The following TFAM variants were observed in gnomAD, a reference collection of about 807,000 sequenced individuals.
The protein encoded by TFAM is transcription factor A, mitochondrial.
Under a neutral mutation model 30.6 loss-of-function variants are expected in TFAM, and 13 were observed. That is an observed-to-expected ratio of 0.42 (90% CI 0.28 to 0.67). The LOEUF (loss-of-function observed/expected upper bound fraction) is 0.67. Among genes scored for constraint, TFAM ranks in the 30% least tolerant of loss-of-function variants. TFAM has a pLI of 0.21. For missense variants in TFAM, 231 were observed against 293.7 expected (o/e 0.79, Z 1.56); for synonymous variants, 106 against 94.8 (o/e 1.12, Z -0.69).
intron 6 of TFAM, 192 bp downstream of exon 6, chr10:58,394,606 TA>T: frequency 2.8e-6 from 2 of 726,162 alleles, no homozygotes; most frequent in Non-Finnish European, 5.0e-6. Context: ...ATAAAATTGG[TA>T]TTTGAAACCA....
intron 5 of TFAM, among the ~76,000 whole-genome samples, chr10:58,391,751 A>C (rs1485491801): frequency 6.6e-6 from 1 of 151,608 alleles, no homozygotes; most frequent in Non-Finnish European, 1.5e-5. Flanking sequence ...TGCAAAAGTA[A>C]TTGTGGTCTT....
In TFAM at chr10:58,395,147, C is replaced by T. The variant is rs553061539; in HGVS notation, c.*73C>T. On this transcript the variant is annotated 3_prime_UTR_variant, in exon 7 of 7. Coordinates refer to ENST00000487519, the MANE Select transcript of TFAM (RefSeq NM_003201.3). ...GTTAGGTCTCAATACCTGAAGCTAT[C>T]GTAAAATTAAGAAAGGATAAAGTTG... is the stretch of plus-strand genomic sequence containing the variant. 4.5e-4 allele frequency: 663 copies of T among 1,468,820 alleles called. 2 individuals are homozygous for T. Among genetic ancestry groups the T allele is most frequent in the African/African-American group, 1.3e-3 (93 of 71,516 alleles). The allele number at this position is 1,468,820 out of a possible 1,614,324, so 91.0% of individuals were successfully genotyped here.
chr10:58,386,427 G>C (rs534755051), intron 2 of TFAM, 89 bp downstream of exon 2: 23 of 956,226 alleles, frequency 2.4e-5, no homozygotes, highest in Middle Eastern at 5.5e-4. Context: ...CAGTGCTAAA[G>C]CATTCAGTGA....
In TFAM at chr10:58,394,991, G is replaced by A; in HGVS notation, c.658G>A (p.Glu220Lys). Reference protein sequence around the residue: ...RYHNEMKSWEEQMIEVGRKDL... With the variant: ...RYHNEMKSWEKQMIEVGRKDL... ...TCATAATGAAATGAAGTCTTGGGAA[G>A]AACAAATGATTGAAGTTGGACGAAA... The change falls in exon 7 of 7, where the codon GAA (glutamate) becomes AAA (lysine). Residue 220 changes from glutamate to lysine, a missense_variant. Glu to Lys is a moderately conservative substitution (Grantham distance 56). Coordinates refer to ENST00000487519, the MANE Select transcript of TFAM (RefSeq NM_003201.3). 6.2e-7 allele frequency: 1 copy of A among 1,613,744 alleles called. No homozygotes were observed. Among genetic ancestry groups the A allele is most frequent in the South Asian group, 1.1e-5 (1 of 91,054 alleles).
intron 5 of TFAM, among the ~76,000 whole-genome samples, chr10:58,393,178 A>G (rs968128455): frequency 1.1e-4 from 16 of 150,810 alleles, no homozygotes; most frequent in East Asian, 3.9e-4. Flanking sequence ...ATGGGGTTTC[A>G]CCATATTGGC....
rs1840465084 is a variant in TFAM, at chr10:58,385,479, G to A, written c.-69G>A. On this transcript the variant is annotated 5_prime_UTR_variant, in exon 1 of 7. Transcript: ENST00000487519. ...TCGCACGCGGGTTCCAGTTGTGATTGCTGGAGTTGTGTATTGCCAGGAGGC... is the reference window on the plus strand; with the variant it reads ...TCGCACGCGGGTTCCAGTTGTGATTACTGGAGTTGTGTATTGCCAGGAGGC... 8.2e-7 allele frequency: 1 copy of A among 1,212,408 alleles called. No homozygotes were observed. The highest frequency in any genetic ancestry group is 1.2e-6 in the Non-Finnish European group (1 of 838,564). 75.1% of individuals were successfully genotyped at this position (1,212,408 alleles called of 1,614,324 possible). A position where few individuals can be genotyped will look rare whatever the true frequency, so the allele number is the denominator to read the frequency against.
chr10:58,390,730 A>G, intron 4 of TFAM, 35 bp from the exon 5 acceptor site: 1 of 1,520,186 alleles, frequency 6.6e-7, no homozygotes, highest in Non-Finnish European at 9.1e-7. Context: ...ATGGAGGTTA[A>G]CACTATTTTT....
In TFAM at chr10:58,395,285, G is replaced by A. The variant is rs1840662160; in HGVS notation, c.*211G>A. Reference sequence around the variant, plus strand: ...CATGCAAACTTTATTTTGTGTTTAGGAACTACTGAGGATCAGAGTAATCCA... The same window carrying A: ...CATGCAAACTTTATTTTGTGTTTAGAAACTACTGAGGATCAGAGTAATCCA... On this transcript the variant is annotated 3_prime_UTR_variant, in exon 7 of 7. Coordinates refer to ENST00000487519, the MANE Select transcript of TFAM (RefSeq NM_003201.3). 20 of 552,926 alleles carry A rather than the reference G, an allele frequency of 3.6e-5. No individual in the cohort carries two copies. The South Asian group carries it at 3.9e-4, about 11-fold the overall frequency. The allele number at this position is 552,926 out of a possible 1,614,324, so 34.3% of individuals were successfully genotyped here. A position where few individuals can be genotyped will look rare whatever the true frequency, so the allele number is the denominator to read the frequency against.
chr10:58,390,836 A>G lies in TFAM; in HGVS notation c.513A>G (p.Gln171=), dbSNP rs763840004. Residue 171 remains glutamine, a synonymous_variant, in exon 5 of 7, where the codon CAA becomes CAG. Coordinates refer to ENST00000487519, the MANE Select transcript of TFAM (RefSeq NM_003201.3). ...AYNVYVAERF[Q]EAKGDSPQEK... is the part of the protein sequence containing the mutation. The stretch of plus-strand genomic sequence containing the variant: ...ACGTTTATGTAGCTGAAAGATTCCA[A>G]GAAGCTAAGGGTGATTCACCGCAGG... 6.2e-7 allele frequency: 1 copy of G among 1,613,300 alleles called. No individual in the cohort carries two copies. Among genetic ancestry groups the G allele is most frequent in the South Asian group, 1.1e-5 (1 of 91,064 alleles).
At chr10:58,392,883 C>T (rs1487237787) in intron 5 of TFAM, among the ~76,000 whole-genome samples, 2 of 151,982 alleles carry the variant, frequency 1.3e-5, no homozygotes, top group African/African-American at 2.4e-5. Context: ...ATCATATTAC[C>T]CCAGGCTGGT....
At position 58,393,465 on chromosome 10, in the gene TFAM, C is replaced by G. The variant is rs1391991714; in HGVS notation, c.538-893C>G. Among the ~76,000 whole-genome samples the G allele has an allele frequency of 2.6e-5, 4 of 152,318 alleles. No individual in the cohort carries two copies. In the South Asian group the frequency reaches 8.3e-4, roughly 32 times the overall value. On this transcript the variant is annotated intron_variant, in intron 5 of 6. Coordinates refer to ENST00000487519, the MANE Select transcript of TFAM (RefSeq NM_003201.3). Reference sequence around the variant, plus strand: ...TTTCTTTTGTCAGTTAAGTCAGTTACCACTAATGCATCTGCTTTTCAGCTT... The same window carrying G: ...TTTCTTTTGTCAGTTAAGTCAGTTAGCACTAATGCATCTGCTTTTCAGCTT...
intron 5 of TFAM, 127 bp from the exon 6 acceptor site, chr10:58,394,231 A>G (rs1840642454): frequency 8.1e-6 from 6 of 741,884 alleles, no homozygotes; most frequent in South Asian, 6.0e-5. Context: ...GTTTAGAGAG[A>G]AAAGATGTTA....
intron 5 of TFAM, among the ~76,000 whole-genome samples, chr10:58,393,192 G>A (rs909571524): frequency 2.6e-5 from 4 of 151,856 alleles, no homozygotes; most frequent in African/African-American, 9.7e-5. Context: ...TATTGGCCAG[G>A]CTGGTCTCGA....
chr10:58,391,002 C>CT (rs1459866884), intron 5 of TFAM, 142 bp downstream of exon 5: 21 of 760,004 alleles, frequency 2.8e-5, no homozygotes, highest in Non-Finnish European at 3.6e-5. Flanking sequence ...AAAGAAAAAT[C>CT]TTTTTTCTTA....
chr10:58,397,170 A>G lies in TFAM; in HGVS notation c.*2096A>G, dbSNP rs1840696969. ...GACTCAATTCTGTTCTCTTCAGATG[A>G]GCTCAGAGAGCACATAGGAGTGTTT... On this transcript the variant is annotated 3_prime_UTR_variant, in exon 7 of 7. Coordinates refer to ENST00000487519, the MANE Select transcript of TFAM (RefSeq NM_003201.3). 1 of 152,156 alleles carries G rather than the reference A, an allele frequency of 6.6e-6. No individual in the cohort carries two copies. The highest frequency in any genetic ancestry group is 1.5e-5 in the Non-Finnish European group (1 of 68,056). The allele number at this position is 152,156 out of a possible 1,614,324, so 9.4% of individuals were successfully genotyped here. A position where few individuals can be genotyped will look rare whatever the true frequency, so the allele number is the denominator to read the frequency against.
Position 58,385,656 on chromosome 10 carries a change from C to G in TFAM, c.101+8C>G, listed in dbSNP as rs1840471967. 63 of 1,550,688 alleles carry G rather than the reference C, an allele frequency of 4.1e-5. No homozygotes were observed. Among genetic ancestry groups the G allele is most frequent in the Non-Finnish European group, 5.4e-5 (62 of 1,145,972 alleles). ...ACTGCGCTCCCCCTTCAGGTAGGCC[C>G]GCTTGCCTGTGCCCTAGGGGCAGCA... On this transcript the variant is annotated splice_region_variant and intron_variant, in intron 1 of 6. Coordinates refer to ENST00000487519, the MANE Select transcript of TFAM (RefSeq NM_003201.3).
chr10:58,391,420 A>G (rs548847297), intron 5 of TFAM, among the ~76,000 whole-genome samples: 106 of 152,252 alleles, frequency 7.0e-4, no homozygotes, highest in African/African-American at 2.4e-3. Context: ...ATCATATGAC[A>G]TAGTAAGAGA....
At chr10:58,390,671 C>A in intron 4 of TFAM, 94 bp from the exon 5 acceptor site, 1 of 918,246 alleles carries the variant, frequency 1.1e-6, no homozygotes, top group Non-Finnish European at 1.8e-6. Flanking sequence ...AAGGAATAAT[C>A]TGTAATGCGT....
Position 58,390,877 on chromosome 10 carries a change from T to C in TFAM, c.537+17T>C. The C allele has an allele frequency of 1.9e-6, 3 of 1,605,860 alleles. No individual in the cohort carries two copies. The highest frequency in any genetic ancestry group is 2.6e-6 in the Non-Finnish European group (3 of 1,174,966). ...TCACCGCAGGTAAAGCTGAAATATA[T>C]TTTTGTTTAATTTTTAAAATATTTA... On this transcript the variant is annotated intron_variant, in intron 5 of 6. Transcript: ENST00000487519.
Sources: gnomAD v4.1 joint callset for allele counts (sites outside exome capture counted in the v4.1 genomes callset) on GRCh38, gnomAD v4.1.1 for gene constraint, MANE v1.5 for transcripts, NCBI Gene and HGNC (gene_info 2026-07-23, HGNC 2026-07-21) for gene names.